SMYD3: variants seen among roughly 807,000 people sequenced by gnomAD.
SMYD3 encodes the protein SET and MYND domain containing 3.
SMYD3 carries 36 observed loss-of-function variants against 57.7 expected under a neutral mutation model. That is an observed-to-expected ratio of 0.62 (90% CI 0.48 to 0.82). The LOEUF is 0.82. Ranked by LOEUF, SMYD3 falls within the 40% of genes least tolerant of loss-of-function variation. SMYD3 has a pLI of 0.00. For missense variants in SMYD3, 515 were observed against 538.8 expected (o/e 0.96, Z 0.44); for synonymous variants, 211 against 195.0 (o/e 1.08, Z -0.68).
chr1:246,271,383 T>C (rs2064219050), intron 5 of SMYD3, among the ~76,000 whole-genome samples: 1 of 152,200 alleles, frequency 6.6e-6, no homozygotes, highest in Non-Finnish European at 1.5e-5. Flanking sequence ...ACAAATCCAA[T>C]GTCATGAAGC....
intron 5 of SMYD3, among the ~76,000 whole-genome samples, chr1:246,066,257 C>T (rs938677328): frequency 6.6e-6 from 1 of 152,116 alleles, no homozygotes; most frequent in African/African-American, 2.4e-5. Context: ...GTCATTCAAA[C>T]CGGGCTAATA....
intron 10 of SMYD3, among the ~76,000 whole-genome samples, chr1:245,831,827 G>A (rs2049850443): frequency 6.6e-6 from 1 of 152,180 alleles, no homozygotes; most frequent in Admixed American, 6.5e-5. Context: ...TTCTGGAGAT[G>A]GCCAAATGAT....
At chr1:246,194,134 G>A (rs903143850) in intron 5 of SMYD3, among the ~76,000 whole-genome samples, 1 of 152,118 alleles carries the variant, frequency 6.6e-6, no homozygotes, top group Non-Finnish European at 1.5e-5. Context: ...ACTATACTGG[G>A]AAAGTTAAAA....
In SMYD3 at chr1:246,206,990, G is replaced by A. The variant is rs549976346; in HGVS notation, c.531+120211C>T. 3.8e-4 allele frequency among the ~76,000 whole-genome samples: 58 copies of A among 152,252 alleles called. 3 individuals carry two copies. The highest frequency in any genetic ancestry group is 1.4e-3 in the African/African-American group (58 of 41,518). On this transcript the variant is annotated intron_variant, in intron 5 of 11. Transcript: ENST00000490107. ...ATGGCAGACTCAGAAGCTTCTGAAGGAACACAGTTGAGTTCCCTAAACATT... is the reference window on the plus strand; with the variant it reads ...ATGGCAGACTCAGAAGCTTCTGAAGAAACACAGTTGAGTTCCCTAAACATT...
intron 10 of SMYD3, among the ~76,000 whole-genome samples, chr1:245,768,181 C>T (rs2046194833): frequency 1.3e-5 from 2 of 152,138 alleles, no homozygotes; most frequent in African/African-American, 4.8e-5. Flanking sequence ...AGGTATAATG[C>T]TAGCAATCAC....
intron 11 of SMYD3, among the ~76,000 whole-genome samples, chr1:245,761,639 G>T (rs540649876): frequency 6.6e-6 from 1 of 152,152 alleles, no homozygotes; most frequent in African/African-American, 2.4e-5. Context: ...GATCTTAAGG[G>T]ATTTCTGCAC....
intron 5 of SMYD3, among the ~76,000 whole-genome samples, chr1:246,064,547 C>G (rs927697358): frequency 6.6e-6 from 1 of 152,192 alleles, no homozygotes; most frequent in Non-Finnish European, 1.5e-5. Flanking sequence ...CAGTCTAATA[C>G]CTCATGCCTA....
chr1:246,173,773 A>G (rs1303156332), intron 5 of SMYD3, among the ~76,000 whole-genome samples: 1 of 152,084 alleles, frequency 6.6e-6, no homozygotes, highest in African/African-American at 2.4e-5. Flanking sequence ...ATACCTCCTA[A>G]AGGAACTACC....
At chr1:246,476,515 T>C (rs1395777475) in intron 1 of SMYD3, among the ~76,000 whole-genome samples, 1 of 152,202 alleles carries the variant, frequency 6.6e-6, no homozygotes, top group Non-Finnish European at 1.5e-5. Context: ...GTATTTTAAG[T>C]AACAAGACTG....
chr1:246,295,613 T>C (rs1304109911), intron 5 of SMYD3, among the ~76,000 whole-genome samples: 1 of 152,180 alleles, frequency 6.6e-6, no homozygotes, highest in Non-Finnish European at 1.5e-5. Context: ...AAACTAGATG[T>C]AGCCAAGGAA....
intron 10 of SMYD3, among the ~76,000 whole-genome samples, chr1:245,800,157 T>A (rs1441886888): frequency 6.6e-6 from 1 of 152,132 alleles, no homozygotes; most frequent in African/African-American, 2.4e-5. Flanking sequence ...AGTGTGGTAT[T>A]TTCCCTCCTG....
chr1:246,489,462 C>T (rs1352060235), intron 1 of SMYD3, among the ~76,000 whole-genome samples: 3 of 152,152 alleles, frequency 2.0e-5, no homozygotes, highest in Non-Finnish European at 4.4e-5. Flanking sequence ...GTAGCTATTT[C>T]CCTATTTTAT....
chr1:246,321,658 G>A (rs76562663), intron 5 of SMYD3: 3 of 151,664 alleles, frequency 2.0e-5, no homozygotes, highest in African/African-American at 4.8e-5. Flanking sequence ...AGTTTCGAAG[G>A]ATATATTTAT....
intron 1 of SMYD3, among the ~76,000 whole-genome samples, chr1:246,376,589 TAAAAAAAAA>T (rs55996523): frequency 1.2e-5 from 1 of 85,176 alleles, no homozygotes; most frequent in African/African-American, 4.9e-5. Flanking sequence ...ACACTCCATC[TAAAAAAAAA>T]AAAAAAAAAA....
chr1:246,283,773 T>G (rs565784098), intron 5 of SMYD3, among the ~76,000 whole-genome samples: 1 of 152,296 alleles, frequency 6.6e-6, no homozygotes, highest in Admixed American at 6.5e-5. Context: ...CTGCTTGCAG[T>G]ATCTTTTAGA....
intron 10 of SMYD3, among the ~76,000 whole-genome samples, chr1:245,792,649 G>A (rs907693288): frequency 5.3e-5 from 8 of 152,150 alleles, no homozygotes; most frequent in Admixed American, 3.9e-4. Flanking sequence ...CAACATATCT[G>A]TAAGCTAGGA....
At chr1:246,394,765 TATG>T (rs1416278290) in intron 1 of SMYD3, among the ~76,000 whole-genome samples, 1 of 151,836 alleles carries the variant, frequency 6.6e-6, no homozygotes, top group East Asian at 1.9e-4. Context: ...AGCTAAGCTT[TATG>T]ATATTTGAGA....
intron 10 of SMYD3, among the ~76,000 whole-genome samples, chr1:245,834,639 C>A (rs1572470986): frequency 6.6e-6 from 1 of 152,302 alleles, no homozygotes; most frequent in East Asian, 1.9e-4. Context: ...TAGCCAACCT[C>A]ATTTCACAGT....
At chr1:246,464,841 T>C (rs1353290816) in intron 1 of SMYD3, among the ~76,000 whole-genome samples, 1 of 152,228 alleles carries the variant, frequency 6.6e-6, no homozygotes, top group African/African-American at 2.4e-5. Context: ...TTATTAGTAC[T>C]AGCATCTTCC....
Sources: allele counts gnomAD v4.1 joint callset (sites outside exome capture counted in the v4.1 genomes callset), GRCh38; gene constraint gnomAD v4.1.1; transcripts MANE v1.5; gene names NCBI Gene and HGNC (gene_info 2026-07-23, HGNC 2026-07-21).